LRP1B: variants seen among roughly 807,000 people sequenced by gnomAD.
The protein encoded by LRP1B is low-density lipoprotein receptor-related protein 1B.
In LRP1B, 217 loss-of-function variants were observed where a neutral mutation model predicts 556.6. The ratio of observed to expected loss-of-function variants is 0.39; its 90% confidence interval spans 0.35 to 0.44. LRP1B has a LOEUF of 0.44. Among genes scored for constraint, LRP1B ranks in the 20% least tolerant of loss-of-function variants. The pLI is 1.00. For synonymous variants in LRP1B, 2,047 were observed against 1,865.8 expected, an observed-to-expected ratio of 1.10 and a Z score of -2.50; for missense variants, 5,053 against 5,620.8, an observed-to-expected ratio of 0.90 and a Z score of 3.23.
At chr2:140,912,114 TTCTC>T (rs1193026214) in intron 21 of LRP1B, among the ~76,000 whole-genome samples, 8 of 151,900 alleles carry the variant, frequency 5.3e-5, no homozygotes, top group Non-Finnish European at 8.9e-5. Flanking sequence ...GCTTAATTGC[TTCTC>T]TCTATTTGTG....
At chr2:140,572,107 T>G (rs989079826) in intron 43 of LRP1B, among the ~76,000 whole-genome samples, 4 of 151,620 alleles carry the variant, frequency 2.6e-5, no homozygotes, top group African/African-American at 9.7e-5. Context: ...GAAAAAGACC[T>G]CACAAACAGA....
chr2:141,720,584 T>G (rs891994184), intron 2 of LRP1B, among the ~76,000 whole-genome samples: 6 of 152,088 alleles, frequency 3.9e-5, no homozygotes, highest in African/African-American at 1.4e-4. Flanking sequence ...TTTTCCTTAT[T>G]TTAACATCGT....
chr2:140,290,523 C>T (rs1480586932), intron 84 of LRP1B, among the ~76,000 whole-genome samples: 1 of 152,146 alleles, frequency 6.6e-6, no homozygotes, highest in African/African-American at 2.4e-5. Context: ...TATTCAAATA[C>T]TGAGGAAGGG....
rs575535672 is a variant in LRP1B at position 140,923,160 on chromosome 2, T to C, written c.3137-13A>G. On this transcript the variant is annotated splice_polypyrimidine_tract_variant and intron_variant, in intron 20 of 90. Transcript: ENST00000389484. ...GGAGAATGAATCTCTTAATTTGAAA[T>C]GAGGAAGAGAGAAGCAGAGGGGGGC... is the stretch of plus-strand genomic sequence containing the variant. The C allele has an allele frequency of 2.1e-5, 33 of 1,603,894 alleles. No homozygotes were observed. The highest frequency in any genetic ancestry group is 1.7e-4 in the Admixed American group (10 of 59,070).
At chr2:140,761,285 G>A (rs1428608392) in intron 35 of LRP1B, among the ~76,000 whole-genome samples, 2 of 152,130 alleles carry the variant, frequency 1.3e-5, no homozygotes, top group African/African-American at 4.8e-5. Context: ...CCTGCCATCC[G>A]AGTTCACCCT....
chr2:140,798,562 A>G (rs1337281558), intron 32 of LRP1B, among the ~76,000 whole-genome samples: 1 of 152,150 alleles, frequency 6.6e-6, no homozygotes, highest in African/African-American at 2.4e-5. Context: ...TGAAGGTTAG[A>G]AGGGGTATTT....
chr2:141,305,199 A>T (rs917169436), intron 3 of LRP1B, among the ~76,000 whole-genome samples: 7 of 152,188 alleles, frequency 4.6e-5, no homozygotes, highest in Non-Finnish European at 1.0e-4. Context: ...AAAAATATTA[A>T]TTCTTCCAAT....
At chr2:140,749,919 A>G (rs1345719978) in intron 35 of LRP1B, among the ~76,000 whole-genome samples, 1 of 152,192 alleles carries the variant, frequency 6.6e-6, no homozygotes, top group Non-Finnish European at 1.5e-5. Context: ...CAAATATGTG[A>G]GTAATGTCTT....
intron 3 of LRP1B, among the ~76,000 whole-genome samples, chr2:141,298,654 T>G (rs757711376): frequency 1.3e-4 from 20 of 152,038 alleles, no homozygotes; most frequent in Non-Finnish European, 1.6e-4. Context: ...AGCCTTTCTC[T>G]GTAATAAACT....
At chr2:140,655,026 A>T (rs1684826625) in intron 41 of LRP1B, among the ~76,000 whole-genome samples, 1 of 151,578 alleles carries the variant, frequency 6.6e-6, no homozygotes, top group Non-Finnish European at 1.5e-5. Flanking sequence ...GTATGGGTAT[A>T]TGTATGTATA....
intron 3 of LRP1B, among the ~76,000 whole-genome samples, chr2:141,476,553 A>AC (rs1391944395): frequency 6.6e-6 from 1 of 152,148 alleles, no homozygotes; most frequent in Non-Finnish European, 1.5e-5. Context: ...ACATGCAAGT[A>AC]CCCCCATATA....
chr2:141,528,950 A>C (rs2105188098), intron 2 of LRP1B, among the ~76,000 whole-genome samples: 1 of 152,354 alleles, frequency 6.6e-6, no homozygotes, highest in Non-Finnish European at 1.5e-5. Context: ...AGTGTGCACA[A>C]TTCTTAGTCT....
chr2:141,721,357 G>A (rs1001376973), intron 2 of LRP1B, among the ~76,000 whole-genome samples: 1 of 152,042 alleles, frequency 6.6e-6, no homozygotes, highest in African/African-American at 2.4e-5. Flanking sequence ...TAGATAAACT[G>A]TTGTTGCTTG....
Position 140,358,892 on chromosome 2 carries a change from C to T in LRP1B, c.11186G>A (p.Cys3729Tyr), listed in dbSNP as rs145962775. 3 of 1,608,896 alleles carry T rather than the reference C, an allele frequency of 1.9e-6. No individual in the cohort carries two copies. In the African/African-American group the frequency reaches 4.0e-5, roughly 22 times the overall value. ...ATTGCACATTTGCTCCGACTGTAGG[C>T]ATATTCTGTTATTTCTGCATCTGTG... ...RPHRCRNNRI[C>Y]LQSEQMCNGI... The change falls in exon 73 of 91, where the codon TGC (cysteine) becomes TAC (tyrosine). Residue 3729 changes from cysteine to tyrosine, a missense_variant. Physicochemically the swap from Cys to Tyr is radical, Grantham distance 194. Around this residue, in one of 5 missense-constraint regions of LRP1B, gnomAD observed 599 missense variants for 648.4 expected, o/e 0.92. Coordinates refer to ENST00000389484, the MANE Select transcript of LRP1B (RefSeq NM_018557.3).
intron 3 of LRP1B, among the ~76,000 whole-genome samples, chr2:141,295,956 G>A (rs190691648): frequency 2.6e-5 from 4 of 152,036 alleles, no homozygotes; most frequent in African/African-American, 9.7e-5. Context: ...TTTCCGCTTA[G>A]GCAAAATGGT....
intron 7 of LRP1B, among the ~76,000 whole-genome samples, chr2:141,187,490 T>C (rs1244583246): frequency 1.3e-5 from 2 of 152,038 alleles, no homozygotes; most frequent in South Asian, 2.1e-4. Flanking sequence ...ATAACAAGGA[T>C]AGAATTTCAG....
intron 2 of LRP1B, among the ~76,000 whole-genome samples, chr2:141,795,775 A>G (rs1224477111): frequency 6.8e-6 from 1 of 146,284 alleles, no homozygotes; most frequent in Non-Finnish European, 1.5e-5. Flanking sequence ...TGCAGGCTGA[A>G]CCAGTTTTAA....
intron 7 of LRP1B, among the ~76,000 whole-genome samples, chr2:141,131,407 T>TTATATATATATATATATATATA (rs67661603): frequency 0.031 from 3,412 of 110,030 alleles, 136 homozygotes; most frequent in Middle Eastern, 0.053. Context: ...ATGCATAAAG[T>TTATATATATATATATATATATA]TATATATATA....
At position 141,111,216 on chromosome 2, in the gene LRP1B, A is replaced by G. The variant is rs371039009; in HGVS notation, c.1014-48943T>C. ...AATTAAAAGCAAATAAACTGGAATA[A>G]AAGCATGTAACAAACATGACAGAGT... On this transcript the variant is annotated intron_variant, in intron 7 of 90. Coordinates refer to ENST00000389484, the MANE Select transcript of LRP1B (RefSeq NM_018557.3). Among the ~76,000 whole-genome samples the G allele has an allele frequency of 2.0e-5, 3 of 152,218 alleles. No individual in the cohort carries two copies. The East Asian group carries it at 5.8e-4, about 29-fold the overall frequency.
Sources: gnomAD v4.1 joint callset for allele counts (sites outside exome capture counted in the v4.1 genomes callset) on GRCh38, gnomAD v4.1.1 for gene constraint, gnomAD v4.1.1 regional missense constraint, MANE v1.5 for transcripts, NCBI Gene and HGNC (gene_info 2026-07-23, HGNC 2026-07-21) for gene names.